Variants in GPRC6A observed in about 807,000 individuals in gnomAD.
The protein encoded by GPRC6A is G protein-coupled receptor family C group 6 member A.
GPRC6A carries 54 observed loss-of-function variants against 47.0 expected under a neutral mutation model. The ratio of observed to expected loss-of-function variants is 1.15; its 90% CI spans 0.92 to 1.44. The LOEUF (loss-of-function observed/expected upper bound fraction) is 1.44. Ranked by LOEUF, GPRC6A falls within the 40% of genes most tolerant of loss-of-function variation. GPRC6A has a pLI of 0.00. For missense variants in GPRC6A, 1,112 were observed against 1,105.5 expected (o/e 1.01, Z -0.08); for synonymous variants, 347 against 377.1 (o/e 0.92, Z 0.93).
Position 116,817,077 on chromosome 6 carries a change from G to A in GPRC6A, c.195-7460C>T, listed in dbSNP as rs367716563. Among the ~76,000 whole-genome samples the A allele has an allele frequency of 4.0e-4, 61 of 152,228 alleles. No homozygotes were observed. In the East Asian group the frequency reaches 7.8e-3, roughly 19 times the overall value. ...GCCTGCCTCTGTAGGCTCCACCTCT[G>A]GGGGCAGGGCACAGACAAACAAAAA... On this transcript the variant is annotated intron_variant, in intron 1 of 5. Transcript: ENST00000310357.
At position 116,800,635 on chromosome 6, in the gene GPRC6A, A is replaced by G; in HGVS notation, c.1497T>C (p.Asp499=). ...TTTCCTGATCTGGGATGATGAAGAC[A>G]TCATTCTGTAGGTCATATTCTGCCA... ...TKMAEYDLQN[D]VFIIPDQETK... Residue 499 remains aspartate (D), a synonymous_variant, in exon 4 of 6, where the codon GAT becomes GAC. Transcript: ENST00000310357. The G allele has an allele frequency of 6.2e-7, 1 of 1,613,660 alleles. No individual in the cohort carries two copies. The highest frequency in any genetic ancestry group is 1.1e-5 in the South Asian group (1 of 91,080).
At chr6:116,817,797 G>A (rs200126701) in intron 1 of GPRC6A, among the ~76,000 whole-genome samples, 1 of 152,074 alleles carries the variant, frequency 6.6e-6, no homozygotes, top group Admixed American at 6.6e-5. Flanking sequence ...GAAGATGAAA[G>A]GAATGAAATG....
At chr6:116,799,727 G>T (rs1448762268) in intron 4 of GPRC6A, among the ~76,000 whole-genome samples, 1 of 152,126 alleles carries the variant, frequency 6.6e-6, no homozygotes, top group East Asian at 1.9e-4. Context: ...TTTAAGATGA[G>T]AGAAATAATG....
chr6:116,793,321 G>T, intron 5 of GPRC6A, 71 bp from the exon 6 acceptor site: 1 of 1,059,836 alleles, frequency 9.4e-7, no homozygotes. Flanking sequence ...TACTACAAAT[G>T]AGATTCGTCT....
At chr6:116,815,627 G>A (rs1773180531) in intron 1 of GPRC6A, among the ~76,000 whole-genome samples, 1 of 152,088 alleles carries the variant, frequency 6.6e-6, no homozygotes, top group South Asian at 2.1e-4. Context: ...CATAAAACAA[G>A]TCTTAACAAA....
At chr6:116,812,276 T>C (rs572361244) in intron 1 of GPRC6A, among the ~76,000 whole-genome samples, 17 of 152,236 alleles carry the variant, frequency 1.1e-4, no homozygotes, top group African/African-American at 4.1e-4. Context: ...AGAAAACTTA[T>C]CCTTCATAAA....
intron 5 of GPRC6A, among the ~76,000 whole-genome samples, chr6:116,794,860 G>A (rs1018518114): frequency 2.6e-5 from 4 of 152,024 alleles, no homozygotes; most frequent in African/African-American, 4.8e-5. Context: ...GGCATTTTTT[G>A]TGTGACACAT....
intron 1 of GPRC6A, among the ~76,000 whole-genome samples, chr6:116,827,038 T>A (rs992766258): frequency 6.6e-6 from 1 of 151,734 alleles, no homozygotes; most frequent in Non-Finnish European, 1.5e-5. Flanking sequence ...ATAAAAGTAC[T>A]AGAGGATGGG....
intron 1 of GPRC6A, among the ~76,000 whole-genome samples, chr6:116,824,141 C>T (rs189457424): frequency 8.6e-5 from 13 of 151,124 alleles, no homozygotes; most frequent in Middle Eastern, 3.4e-3. Flanking sequence ...ACATCTACAA[C>T]GAAAAAGAAG....
intron 3 of GPRC6A, among the ~76,000 whole-genome samples, chr6:116,803,702 A>T (rs777936811): frequency 6.6e-6 from 1 of 152,116 alleles, no homozygotes; most frequent in Non-Finnish European, 1.5e-5. Context: ...TGCTTCCTAA[A>T]GATGCTGTGC....
chr6:116,806,888 C>G lies in GPRC6A; in HGVS notation c.817G>C (p.Val273Leu), dbSNP rs1230028288. 2.5e-6 allele frequency: 4 copies of G among 1,613,606 alleles called. No homozygotes were observed. Among genetic ancestry groups the G allele is most frequent in the Non-Finnish European group, 3.4e-6 (4 of 1,179,748 alleles). The change falls in exon 3 of 6, where the codon GTC becomes CTC. Residue 273 changes from valine to leucine, a missense_variant. Transcript: ENST00000310357. ...AATTGCCTCAGAAATACCACAATGA[C>G]ATTAACCTGGGCTTCTAAAATGATT... is the stretch of plus-strand genomic sequence containing the variant. The part of the protein sequence containing the change: ...KKIILEAQVN[V>L]IVVFLRQFHV...
At chr6:116,813,065 C>T (rs1773080795) in intron 1 of GPRC6A, among the ~76,000 whole-genome samples, 1 of 152,078 alleles carries the variant, frequency 6.6e-6, no homozygotes, top group Non-Finnish European at 1.5e-5. Context: ...TGTGAAGGAC[C>T]TCTTCAAGGA....
In GPRC6A at chr6:116,800,701, C is replaced by G; in HGVS notation, c.1431G>C (p.Val477=). The change falls in exon 4 of 6, where the codon GTG becomes GTC. Residue 477 remains valine, a synonymous_variant. Transcript: ENST00000310357. ...HGDLNTGYDV[V]LWKEINGHMT... is the part of the protein sequence containing the mutation. ...TGTGTCCATTGATCTCCTTCCAGAG[C>G]ACAACATCATATCCAGTATTTAAAT... is the stretch of plus-strand genomic sequence containing the variant. The G allele has an allele frequency of 6.2e-7, 1 of 1,610,028 alleles. No individual in the cohort carries two copies. The highest frequency in any genetic ancestry group is 2.2e-5 in the East Asian group (1 of 44,836).
chr6:116,815,037 A>T (rs1773160837), intron 1 of GPRC6A, among the ~76,000 whole-genome samples: 1 of 152,208 alleles, frequency 6.6e-6, no homozygotes, highest in Non-Finnish European at 1.5e-5. Flanking sequence ...ATAATTTAAA[A>T]TTTATATGCA....
rs1276627976 is a variant in GPRC6A, at chr6:116,816,887, C to T, written c.195-7270G>A. Among the ~76,000 whole-genome samples, 9 of 152,302 alleles carry T rather than the reference C, an allele frequency of 5.9e-5. No homozygotes were observed. In the South Asian group the frequency reaches 1.0e-3, roughly 18 times the overall value. ...CCCGCACCTGGCTCAGAGGGTCCTA[C>T]GCCCACGGAATCTCACTGATTGCTA... On this transcript the variant is annotated intron_variant, in intron 1 of 5. Transcript: ENST00000310357.
intron 5 of GPRC6A, among the ~76,000 whole-genome samples, chr6:116,794,316 T>C (rs2114576211): frequency 6.6e-6 from 1 of 152,224 alleles, no homozygotes; most frequent in East Asian, 1.9e-4. Flanking sequence ...ATCTGTTCTT[T>C]TCTGTTTGCC....
chr6:116,827,364 G>T (rs1310275599), intron 1 of GPRC6A, among the ~76,000 whole-genome samples: 1 of 151,860 alleles, frequency 6.6e-6, no homozygotes, highest in East Asian at 1.9e-4. Flanking sequence ...AAACATAGAA[G>T]AGAAAAAGGT....
Position 116,807,118 on chromosome 6 carries a change from A to C in GPRC6A, c.587T>G (p.Ile196Ser), listed in dbSNP as rs752395555. Reference sequence around the variant, plus strand: ...CTGAATCAGGTGAGCCATTGCTTTAATTTGATGGAAGTCACTGGGCACAGT... The same window carrying C: ...CTGAATCAGGTGAGCCATTGCTTTACTTTGATGGAAGTCACTGGGCACAGT... ...LRTVPSDFHQ[I>S]KAMAHLIQKS... Residue 196 changes from isoleucine (I) to serine (S), a missense_variant, in exon 3 of 6, where the codon ATT becomes AGT. By Grantham distance (142) the Ile-to-Ser change is moderately radical (BLOSUM62 -2). Transcript: ENST00000310357. 9 of 1,613,774 alleles carry C rather than the reference A, an allele frequency of 5.6e-6. No homozygotes were observed. In the Admixed American group the frequency reaches 1.5e-4, roughly 27 times the overall value.
At chr6:116,811,342 A>C (rs1304046578) in intron 1 of GPRC6A, among the ~76,000 whole-genome samples, 2 of 152,258 alleles carry the variant, frequency 1.3e-5, no homozygotes, top group East Asian at 3.9e-4. Context: ...GGAAGAAGCA[A>C]CTGAAACATC....
Sources: gnomAD v4.1 joint callset for allele counts (sites outside exome capture counted in the v4.1 genomes callset) on GRCh38, gnomAD v4.1.1 for gene constraint, MANE v1.5 for transcripts, NCBI Gene and HGNC (gene_info 2026-07-23, HGNC 2026-07-21) for gene names.